The following CPLANE1 variants were observed in gnomAD, a reference collection of about 807,000 sequenced individuals.
CPLANE1 encodes ciliogenesis and planar polarity effector complex subunit 1.
CPLANE1 carries 263 observed loss-of-function variants against 362.5 expected under a neutral mutation model. That is an observed-to-expected ratio of 0.73 (90% CI 0.66 to 0.80). The LOEUF (loss-of-function observed/expected upper bound fraction) is 0.80. CPLANE1 is among the 30% of genes least tolerant of loss of function. The pLI, the probability that CPLANE1 is intolerant of heterozygous loss-of-function variation, is 0.00. For synonymous variants in CPLANE1, 1,212 were observed against 1,302.6 expected (o/e 0.93, Z 1.50); for missense variants, 3,461 against 3,793.4 (o/e 0.91, Z 2.30).
intron 19 of CPLANE1, 84 bp from the exon 20 acceptor site, chr5:37,198,950 A>G (rs1468514347): frequency 3.0e-5 from 39 of 1,310,072 alleles, no homozygotes; most frequent in Non-Finnish European, 4.0e-5. Flanking sequence ...TAGGCTAATG[A>G]GCTGAGCACA....
chr5:37,182,156 AAAT>A (rs780981466), intron 26 of CPLANE1, among the ~76,000 whole-genome samples: 3 of 152,086 alleles, frequency 2.0e-5, no homozygotes, highest in Non-Finnish European at 2.9e-5. Flanking sequence ...AATAAGTAAA[AAAT>A]AAAACAAATT....
chr5:37,174,096 T>C, intron 31 of CPLANE1, 149 bp from the exon 32 acceptor site: 1 of 691,618 alleles, frequency 1.4e-6, no homozygotes, highest in Non-Finnish European at 2.4e-6. Context: ...CCCTAAAGCC[T>C]TTCTCTCTAG....
chr5:37,159,123 G>A (rs1404155175), intron 38 of CPLANE1, among the ~76,000 whole-genome samples: 15 of 17,366 alleles, frequency 8.6e-4, no homozygotes, highest in Non-Finnish European at 8.3e-4. Flanking sequence ...TTTTTTTTTT[G>A]AGACGGAGTC....
At chr5:37,099,290 C>T in the CPLANE1 span, among the ~76,000 whole-genome samples, 1 of 152,150 alleles carries the variant, frequency 6.6e-6, no homozygotes, top group Non-Finnish European at 1.5e-5. Flanking sequence ...TTTCTCCCTA[C>T]CCTCCTGACA....
intron 46 of CPLANE1, among the ~76,000 whole-genome samples, chr5:37,132,413 C>T (rs527647964): frequency 6.4e-5 from 9 of 140,812 alleles, no homozygotes; most frequent in South Asian, 4.5e-4. Flanking sequence ...GGCGCAATCT[C>T]GGCTCACTGC....
At chr5:37,236,532 C>A (rs77659026) in intron 8 of CPLANE1, among the ~76,000 whole-genome samples, 4,326 of 152,080 alleles carry the variant, frequency 0.028, 220 homozygotes, top group African/African-American at 0.098. Context: ...GAATTTATGA[C>A]CACATCCTCA....
chr5:37,231,077 A>G (rs953006998), intron 8 of CPLANE1, 28 bp from the exon 9 acceptor site: 5 of 1,454,798 alleles, frequency 3.4e-6, no homozygotes, highest in Non-Finnish European at 4.6e-6. Flanking sequence ...CAACATGTTT[A>G]GAAGAGATAC....
chr5:37,162,519 A>G lies in CPLANE1; in HGVS notation c.7636T>C (p.Ser2546Pro), dbSNP rs777596158. The change falls in exon 38 of 53, where the codon TCT becomes CCT. Residue 2546 changes from serine (S) to proline (P), a missense_variant. Ser to Pro is a moderately conservative substitution (Grantham distance 74, BLOSUM62 -1). Coordinates refer to ENST00000651892, the MANE Select transcript of CPLANE1 (RefSeq NM_001384732.1). ...CTTCCTATAGCTTTCTTTTTTACAG[A>G]GGCCATGAAATGCAATCCAGCTGAA... Reference protein sequence around the residue: ...NTSAGLHFMASVKKKAIGSQD... With the variant: ...NTSAGLHFMAPVKKKAIGSQD... The G allele has an allele frequency of 3.8e-5, 61 of 1,612,886 alleles. No individual in the cohort carries two copies. The South Asian group carries it at 6.6e-4, about 17-fold the overall frequency.
At chr5:37,206,004 A>T (rs968722255) in intron 17 of CPLANE1, among the ~76,000 whole-genome samples, 193 bp downstream of exon 17, 4 of 152,196 alleles carry the variant, frequency 2.6e-5, no homozygotes, top group Non-Finnish European at 4.4e-5. Context: ...CCTTGGTCTC[A>T]CTGGCTGCAT....
chr5:37,240,437 C>T (rs922145940), intron 6 of CPLANE1, among the ~76,000 whole-genome samples: 6 of 152,142 alleles, frequency 3.9e-5, no homozygotes, highest in African/African-American at 7.2e-5. Flanking sequence ...AGCATCTCCT[C>T]GGATTCTTGT....
At position 37,245,520 on chromosome 5, in the gene CPLANE1, G is replaced by C; in HGVS notation, c.296C>G (p.Pro99Arg). 6.7e-7 allele frequency: 1 copy of C among 1,501,064 alleles called. No homozygotes were observed. Among genetic ancestry groups the C allele is most frequent in the South Asian group, 1.3e-5 (1 of 74,126 alleles). 93.0% of individuals were successfully genotyped at this position (1,501,064 alleles called of 1,614,324 possible). A position where few individuals can be genotyped will look rare whatever the true frequency, so the allele number is the denominator to read the frequency against. The stretch of plus-strand genomic sequence containing the variant: ...CATTTCCTTAGGCTTTTCAGTTATT[G>C]GTATAGTTTTCAAACAATCTTGATC... ...NKDQDCLKTI[P>R]ITEKPKEMIK... Residue 99 changes from proline (P) to arginine (R), a missense_variant, in exon 4 of 53, where the codon CCA becomes CGA. Coordinates refer to ENST00000651892, the MANE Select transcript of CPLANE1 (RefSeq NM_001384732.1).
intron 46 of CPLANE1, among the ~76,000 whole-genome samples, chr5:37,137,088 A>G (rs1452318822): frequency 6.6e-6 from 1 of 152,062 alleles, no homozygotes; most frequent in Non-Finnish European, 1.5e-5. Context: ...TTTATATTGC[A>G]CTGTCAGCCT....
chr5:37,240,495 A>G (rs1800139223), intron 6 of CPLANE1, among the ~76,000 whole-genome samples: 1 of 152,208 alleles, frequency 6.6e-6, no homozygotes, highest in Admixed American at 6.5e-5. Context: ...AATGGGGAGC[A>G]GCATTTTCCC....
chr5:37,242,675 C>T (rs987694379), intron 6 of CPLANE1, among the ~76,000 whole-genome samples: 3 of 152,078 alleles, frequency 2.0e-5, no homozygotes, highest in Non-Finnish European at 2.9e-5. Flanking sequence ...CTCACAATAA[C>T]ATTTACAAAT....
rs953624404 is a variant in CPLANE1, at chr5:37,138,721, T to C, written c.8791A>G (p.Arg2931Gly). The change falls in exon 46 of 53, where the codon AGA (arginine) becomes GGA (glycine). Residue 2931 changes from arginine to glycine, a missense_variant and splice_region_variant. By Grantham distance (125) the Arg-to-Gly change is moderately radical. This residue lies in a region of CPLANE1 where 3,380 missense variants were observed against 3,666.1 expected (regional missense o/e 0.92). Transcript: ENST00000651892. ...AAAAATGAATTATTCAATGATTACC[T>C]GGAGGTGCCCATAGCTTGTTCTGTT... Reference protein sequence around the residue: ...GLTEQAMGTSRIQHYSGRHSQ... With the variant: ...GLTEQAMGTSGIQHYSGRHSQ... The C allele has an allele frequency of 3.7e-6, 6 of 1,604,648 alleles. No homozygotes were observed. Among genetic ancestry groups the C allele is most frequent in the Non-Finnish European group, 5.1e-6 (6 of 1,177,600 alleles).
At chr5:37,206,595 T>C (rs1404660975) in intron 16 of CPLANE1, among the ~76,000 whole-genome samples, 170 bp from the exon 17 acceptor site, 1 of 151,974 alleles carries the variant, frequency 6.6e-6, no homozygotes. Context: ...CTTTTAACAC[T>C]GAAGAATGTG....
In CPLANE1 at chr5:37,183,232, G is replaced by A; in HGVS notation, c.4949C>T (p.Ser1650Leu). 1 of 1,611,756 alleles carries A rather than the reference G, an allele frequency of 6.2e-7. No homozygotes were observed. Among genetic ancestry groups the A allele is most frequent in the Non-Finnish European group, 8.5e-7 (1 of 1,179,126 alleles). ...MHLENQKLSS[S>L]VLVNQGIKPF... ...TTTGATCCCTTGATTAACCAGTACT[G>A]ATGATGAAAGTTTCTGGTTTTCTAA... Residue 1650 changes from serine (S) to leucine (L), a missense_variant, in exon 26 of 53, where the codon TCA (serine) becomes TTA (leucine). Ser to Leu is a moderately radical substitution (Grantham distance 145, BLOSUM62 -2). Coordinates refer to ENST00000651892, the MANE Select transcript of CPLANE1 (RefSeq NM_001384732.1).
intron 46 of CPLANE1, among the ~76,000 whole-genome samples, chr5:37,132,115 A>T (rs1190626077): frequency 6.6e-6 from 1 of 152,162 alleles, no homozygotes; most frequent in Non-Finnish European, 1.5e-5. Flanking sequence ...CAGCAGATAC[A>T]TCGAATAATA....
intron 47 of CPLANE1, chr5:37,124,743 T>C: frequency 3.7e-6 from 1 of 266,838 alleles, no homozygotes; most frequent in Non-Finnish European, 5.8e-6. Context: ...TTTGTAGAGA[T>C]GAGATCTCAT....
Sources: gnomAD v4.1 joint callset for allele counts (sites outside exome capture counted in the v4.1 genomes callset) on GRCh38, gnomAD v4.1.1 for gene constraint, gnomAD v4.1.1 regional missense constraint, MANE v1.5 for transcripts, NCBI Gene and HGNC (gene_info 2026-07-23, HGNC 2026-07-21) for gene names.